The following GSG1L variants were observed in gnomAD, a reference collection of about 807,000 sequenced individuals.
GSG1L encodes the protein GSG1 like, also known as germ cell-specific gene 1-like protein.
GSG1L carries 24 observed loss-of-function variants against 42.1 expected under a neutral mutation model. The ratio of observed to expected loss-of-function variants is 0.57; its 90% confidence interval spans 0.41 to 0.80. GSG1L has a LOEUF of 0.80. Among genes scored for constraint, GSG1L ranks in the 30% least tolerant of loss-of-function variants. The pLI is 0.00. For missense variants in GSG1L, 445 were observed against 472.2 expected (o/e 0.94, Z 0.53); for synonymous variants, 215 against 203.5 (o/e 1.06, Z -0.48).
chr16:27,995,883 AACACACACACAC>A (rs3033625), intron 1 of GSG1L, among the ~76,000 whole-genome samples: 12 of 145,226 alleles, frequency 8.3e-5, no homozygotes, highest in Admixed American at 6.9e-4. Flanking sequence ...TACTGATTAA[AACACACACACAC>A]ACACACACAC....
intron 2 of GSG1L, among the ~76,000 whole-genome samples, chr16:27,910,314 C>T (rs529111676): frequency 3.3e-5 from 5 of 151,938 alleles, no homozygotes; most frequent in African/African-American, 1.2e-4. Context: ...GGGACAAGGA[C>T]AAATGTAGTA....
intron 1 of GSG1L, among the ~76,000 whole-genome samples, chr16:28,018,463 C>T (rs1196808690): frequency 2.0e-5 from 3 of 152,266 alleles, no homozygotes; most frequent in East Asian, 3.9e-4. Flanking sequence ...CACTCATATG[C>T]CCCCACATCC....
intron 2 of GSG1L, among the ~76,000 whole-genome samples, chr16:27,916,338 C>T (rs2084454478): frequency 6.6e-6 from 1 of 151,844 alleles, no homozygotes; most frequent in Non-Finnish European, 1.5e-5. Flanking sequence ...TTTTTAGAGA[C>T]AGAGTCTTGC....
chr16:27,884,765 G>T lies in GSG1L; in HGVS notation c.398-127C>A. ...TAGAATAGAACCTGGTTCTGGGGGA[G>T]GTCCTGATGGAAGCCTGTCATGGCC... On this transcript the variant is annotated intron_variant, in intron 2 of 6. Coordinates refer to ENST00000447459, the MANE Select transcript of GSG1L (RefSeq NM_001109763.2). The surrounding 1 kb of genome is among the most constrained non-coding windows in gnomAD (Gnocchi z 4.4). 2 of 920,948 alleles carry T rather than the reference G, an allele frequency of 2.2e-6. No individual in the cohort carries two copies. Among genetic ancestry groups the T allele is most frequent in the Non-Finnish European group, 1.6e-6 (1 of 635,442 alleles). 57.0% of individuals were successfully genotyped at this position (920,948 alleles called of 1,614,324 possible). A position where few individuals can be genotyped will look rare whatever the true frequency, so the allele number is the denominator to read the frequency against.
intron 2 of GSG1L, among the ~76,000 whole-genome samples, chr16:27,933,721 C>T (rs1292647673): frequency 6.6e-6 from 1 of 151,458 alleles, no homozygotes; most frequent in Non-Finnish European, 1.5e-5. Flanking sequence ...CTTTGACCCT[C>T]AGAACCCCAG....
chr16:27,824,887 C>A (rs1209260994), intron 5 of GSG1L, among the ~76,000 whole-genome samples: 1 of 152,222 alleles, frequency 6.6e-6, no homozygotes, highest in Non-Finnish European at 1.5e-5. Flanking sequence ...GCTAATGGGG[C>A]AGCTTTGGAC....
intron 4 of GSG1L, 24 bp downstream of exon 4, chr16:27,844,926 C>G (rs1178620120): frequency 7.0e-7 from 1 of 1,418,810 alleles, no homozygotes; most frequent in Admixed American, 1.8e-5. Flanking sequence ...CCTGAAGCTG[C>G]TCTTGTCCTG....
chr16:27,850,319 G>C (rs1162864872), intron 3 of GSG1L, among the ~76,000 whole-genome samples: 1 of 152,034 alleles, frequency 6.6e-6, no homozygotes, highest in Non-Finnish European at 1.5e-5. Flanking sequence ...GAGCCACCGT[G>C]CCGGCCTTGA....
intron 3 of GSG1L, chr16:27,850,731 G>A: frequency 5.6e-6 from 2 of 355,270 alleles, no homozygotes; most frequent in Non-Finnish European, 1.1e-5. Context: ...AGAGGGCCTG[G>A]GGCTCAGGAA....
intron 2 of GSG1L, among the ~76,000 whole-genome samples, chr16:27,941,297 AACTT>A (rs2084791192): frequency 6.6e-6 from 1 of 152,118 alleles, no homozygotes; most frequent in Admixed American, 6.5e-5. Flanking sequence ...CTCCTCCTGT[AACTT>A]ACCACCAACA....
chr16:27,991,424 G>A (rs1380943874), intron 1 of GSG1L, among the ~76,000 whole-genome samples: 6 of 140,362 alleles, frequency 4.3e-5, no homozygotes, highest in African/African-American at 1.6e-4. Flanking sequence ...TTTTTTTTTT[G>A]AGATGGAGTC....
chr16:27,893,477 C>G (rs779150912), intron 2 of GSG1L, among the ~76,000 whole-genome samples: 1 of 152,158 alleles, frequency 6.6e-6, no homozygotes, highest in Non-Finnish European at 1.5e-5. Flanking sequence ...TGAGACAATA[C>G]CTGTAAATCA....
At chr16:27,993,875 T>C (rs913544016) in intron 1 of GSG1L, among the ~76,000 whole-genome samples, 15 of 152,168 alleles carry the variant, frequency 9.9e-5, no homozygotes, top group African/African-American at 3.6e-4. Flanking sequence ...CAATATGCAG[T>C]AACTCAAGCT....
In GSG1L at chr16:27,888,840, A is replaced by T. The variant is rs147231883; in HGVS notation, c.398-4202T>A. ...ACCATGTTGGCCAGGCTTGTCTCGA[A>T]CTCCTGACCTCAAATGATCCACCCA... On this transcript the variant is annotated intron_variant, in intron 2 of 6. Coordinates refer to ENST00000447459, the MANE Select transcript of GSG1L (RefSeq NM_001109763.2). 5.6e-3 allele frequency among the ~76,000 whole-genome samples: 852 copies of T among 150,944 alleles called. 5 individuals carry two copies. The highest frequency in any genetic ancestry group is 8.7e-3 in the Non-Finnish European group (589 of 67,796).
chr16:27,955,413 A>G (rs1452693505), intron 2 of GSG1L, among the ~76,000 whole-genome samples: 1 of 152,148 alleles, frequency 6.6e-6, no homozygotes, highest in African/African-American at 2.4e-5. Flanking sequence ...TGAAAATGGA[A>G]GATTAAAAAA....
intron 1 of GSG1L, among the ~76,000 whole-genome samples, chr16:27,988,830 G>A (rs1468195219): frequency 4.0e-5 from 6 of 151,242 alleles, no homozygotes; most frequent in African/African-American, 9.7e-5. Flanking sequence ...CGAGGTGGGC[G>A]GATCACGAGG....
chr16:27,797,787 A>T (rs1376252851), intron 6 of GSG1L, among the ~76,000 whole-genome samples: 2 of 144,280 alleles, frequency 1.4e-5, no homozygotes, highest in Non-Finnish European at 3.0e-5. Flanking sequence ...GCACCACTGC[A>T]CCACGGCCTG....
In GSG1L at chr16:27,859,897, A is replaced by G. The variant is rs1469991875; in HGVS notation, c.551-14836T>C. 3.3e-5 allele frequency among the ~76,000 whole-genome samples: 5 copies of G among 150,334 alleles called. No homozygotes were observed. The East Asian group carries it at 9.9e-4, about 30-fold the overall frequency. On this transcript the variant is annotated intron_variant, in intron 3 of 6. Coordinates refer to ENST00000447459, the MANE Select transcript of GSG1L (RefSeq NM_001109763.2). ...GGGTCTCGCTCTGTTGGCTAGGCTT[A>G]TCTGGAACTCTTGGCCTCGAGCAGC...
intron 1 of GSG1L, among the ~76,000 whole-genome samples, chr16:27,973,778 G>A (rs180700138): frequency 2.2e-4 from 34 of 152,284 alleles, no homozygotes; most frequent in African/African-American, 6.5e-4. Flanking sequence ...TTTCTACAGT[G>A]CATATTATAG....
Sources: gnomAD v4.1 joint callset for allele counts (sites outside exome capture counted in the v4.1 genomes callset) on GRCh38, gnomAD v4.1.1 for gene constraint, Gnocchi (gnomAD v3.1) non-coding constraint, MANE v1.5 for transcripts, NCBI Gene and HGNC (gene_info 2026-07-23, HGNC 2026-07-21) for gene names.